The following GRIN2B variants were observed in gnomAD, a reference collection of about 807,000 sequenced individuals.
The protein encoded by GRIN2B is glutamate ionotropic receptor NMDA type subunit 2B, also known as glutamate receptor ionotropic, NMDA 2B.
A neutral mutation model predicts 114.5 loss-of-function variants in GRIN2B; 5 were observed. That is an observed-to-expected ratio of 0.04 (90% CI 0.02 to 0.09). The LOEUF (loss-of-function observed/expected upper bound fraction) is 0.09, where lower values mean the gene tolerates loss of function less well. Ranked by LOEUF, GRIN2B falls within the 10% of genes least tolerant of loss-of-function variation. The pLI, the probability that GRIN2B is intolerant of heterozygous loss-of-function variation, is 1.00. For synonymous variants in GRIN2B, 787 were observed against 745.1 expected (o/e 1.06, Z -0.92); for missense variants, 1,108 against 1,943.5 (o/e 0.57, Z 8.08).
chr12:13,620,059 T>C (rs10845814), intron 5 of GRIN2B, among the ~76,000 whole-genome samples: 68,877 of 152,024 alleles, frequency 0.45, 16,114 homozygotes, highest in East Asian at 0.81. Flanking sequence ...AATAAAGTAC[T>C]CCGGCATTCA....
chr12:13,961,258 A>G (rs1867686804), intron 2 of GRIN2B, among the ~76,000 whole-genome samples: 1 of 152,106 alleles, frequency 6.6e-6, no homozygotes, highest in East Asian at 1.9e-4. Context: ...AGAAGGAAGC[A>G]TTAGAGAATT....
At chr12:13,926,068 G>A (rs1866905988) in intron 2 of GRIN2B, among the ~76,000 whole-genome samples, 1 of 152,144 alleles carries the variant, frequency 6.6e-6, no homozygotes, top group Admixed American at 6.5e-5. Flanking sequence ...GCCAAGTCCT[G>A]TGTGTATGAA....
chr12:13,896,268 C>A (rs551710224), intron 2 of GRIN2B, among the ~76,000 whole-genome samples: 2 of 152,176 alleles, frequency 1.3e-5, no homozygotes, highest in South Asian at 4.1e-4. Context: ...GACAGGAGTG[C>A]AGAGCTGACA....
chr12:13,771,606 C>T (rs1591721860), intron 3 of GRIN2B, among the ~76,000 whole-genome samples: 1 of 152,122 alleles, frequency 6.6e-6, no homozygotes, highest in East Asian at 1.9e-4. Flanking sequence ...TATAAAAGTG[C>T]TAATTCTTAG....
At chr12:13,732,761 AAGAATCTAAAAAT>A (rs1432150920) in intron 4 of GRIN2B, among the ~76,000 whole-genome samples, 1 of 152,240 alleles carries the variant, frequency 6.6e-6, no homozygotes, top group Non-Finnish European at 1.5e-5. Context: ...TGAAAATATA[AAGAATCTAAAAAT>A]AGAATCTGAA....
chr12:13,626,391 G>A (rs1565481758), intron 5 of GRIN2B, among the ~76,000 whole-genome samples: 1 of 152,130 alleles, frequency 6.6e-6, no homozygotes, highest in East Asian at 1.9e-4. Context: ...TGGGAACTGG[G>A]CCACAGGCTG....
At chr12:13,619,985 T>C (rs758068871) in intron 5 of GRIN2B, among the ~76,000 whole-genome samples, 25 of 152,224 alleles carry the variant, frequency 1.6e-4, no homozygotes, top group Non-Finnish European at 2.6e-4. Context: ...GCTTTGGTAA[T>C]TACTCTAATA....
intron 3 of GRIN2B, among the ~76,000 whole-genome samples, chr12:13,758,023 C>G (rs890978991): frequency 1.3e-5 from 2 of 152,168 alleles, no homozygotes; most frequent in Non-Finnish European, 2.9e-5. Context: ...CCCTTGGGGA[C>G]TGCCTCAGCT....
In GRIN2B at chr12:13,947,858, C is replaced by T. The variant is rs909880376; in HGVS notation, c.-19+32070G>A. Among the ~76,000 whole-genome samples the T allele has an allele frequency of 4.6e-5, 7 of 152,266 alleles. No individual in the cohort carries two copies. The East Asian group carries it at 9.7e-4, about 21-fold the overall frequency. On this transcript the variant is annotated intron_variant, in intron 2 of 13. Transcript: ENST00000609686. ...GTTGTTCTCCAACTCACTTCCATAA[C>T]GTTAAACCACGCTGTAGGCTTTAAC...
intron 4 of GRIN2B, among the ~76,000 whole-genome samples, chr12:13,713,126 A>G (rs1175217456): frequency 6.6e-6 from 1 of 151,878 alleles, no homozygotes; most frequent in Non-Finnish European, 1.5e-5. Flanking sequence ...ACAATCAACA[A>G]GACATGAAAC....
At chr12:13,681,867 T>C (rs1026208840) in intron 4 of GRIN2B, among the ~76,000 whole-genome samples, 1 of 152,156 alleles carries the variant, frequency 6.6e-6, no homozygotes, top group African/African-American at 2.4e-5. Context: ...CTGCTGTTAT[T>C]ACTCTCTACC....
chr12:13,866,190 A>T lies in GRIN2B; in HGVS notation c.19T>A (p.Cys7Ser), dbSNP rs757499142. The T allele has an allele frequency of 6.2e-7, 1 of 1,609,884 alleles. No individual in the cohort carries two copies. Residue 7 changes from cysteine (C) to serine (S), a missense_variant, in exon 3 of 14, where the codon TGC becomes AGC. By Grantham distance (112) the Cys-to-Ser change is moderately radical. Transcript: ENST00000609686. Reference sequence around the variant, plus strand: ...ACCAACCAGAACTTGGGAGAACAGCACTCCGCTCTGGGCTTCATCTTCAAC... The same window carrying T: ...ACCAACCAGAACTTGGGAGAACAGCTCTCCGCTCTGGGCTTCATCTTCAAC... MKPRAE[C>S]CSPKFWLVLA...
At chr12:13,942,059 G>A (rs78663979) in intron 2 of GRIN2B, among the ~76,000 whole-genome samples, 2 of 152,234 alleles carry the variant, frequency 1.3e-5, no homozygotes, top group East Asian at 3.9e-4. Context: ...TTTGAAAAAA[G>A]GTCTGCTTTT....
At chr12:13,813,448 T>C (rs1179974987) in intron 3 of GRIN2B, among the ~76,000 whole-genome samples, 2 of 152,120 alleles carry the variant, frequency 1.3e-5, no homozygotes, top group African/African-American at 2.4e-5. Context: ...GTACCAAGAA[T>C]TGGAAACAGG....
intron 3 of GRIN2B, among the ~76,000 whole-genome samples, chr12:13,827,308 C>G (rs190487061): frequency 3.6e-4 from 47 of 131,570 alleles, no homozygotes; most frequent in Admixed American, 7.1e-4. Context: ...ATTGTTTTCA[C>G]CAAATAATTT....
chr12:13,852,145 G>C (rs1256030087), intron 3 of GRIN2B, among the ~76,000 whole-genome samples: 1 of 152,218 alleles, frequency 6.6e-6, no homozygotes, highest in Non-Finnish European at 1.5e-5. Flanking sequence ...GGAATCCTCA[G>C]TTCAAGACAG....
chr12:13,877,908 C>T (rs1866013579), intron 2 of GRIN2B, among the ~76,000 whole-genome samples: 1 of 151,570 alleles, frequency 6.6e-6, no homozygotes, highest in Non-Finnish European at 1.5e-5. Flanking sequence ...ACTAAAAATA[C>T]AAAAAATTAG....
intron 8 of GRIN2B, among the ~76,000 whole-genome samples, chr12:13,612,056 A>G (rs762209290): frequency 2.6e-5 from 4 of 152,220 alleles, no homozygotes; most frequent in Non-Finnish European, 5.9e-5. Flanking sequence ...CATGAGAAGG[A>G]CAGCTTCATG....
intron 3 of GRIN2B, among the ~76,000 whole-genome samples, chr12:13,786,584 G>A (rs945069564): frequency 8.5e-5 from 13 of 152,102 alleles, no homozygotes; most frequent in African/African-American, 2.2e-4. Context: ...GCCATTGGCC[G>A]TGGTGATCAG....
Sources: gnomAD v4.1 joint callset for allele counts (sites outside exome capture counted in the v4.1 genomes callset) on GRCh38, gnomAD v4.1.1 for gene constraint, MANE v1.5 for transcripts, NCBI Gene and HGNC (gene_info 2026-07-23, HGNC 2026-07-21) for gene names.